HS2ST1: variants seen among roughly 807,000 people sequenced by gnomAD.
HS2ST1 encodes the protein 2-O-sulfotransferase.
A neutral mutation model predicts 42.9 loss-of-function variants in HS2ST1; 18 were observed. The observed-to-expected ratio is 0.42, with a 90% CI of 0.29 to 0.62. The LOEUF (loss-of-function observed/expected upper bound fraction) is 0.62. Among genes scored for constraint, HS2ST1 ranks in the 20% least tolerant of loss-of-function variants. The pLI, the probability that HS2ST1 is intolerant of heterozygous loss-of-function variation, is 0.21. For missense variants in HS2ST1, 334 were observed against 433.8 expected, an observed-to-expected ratio of 0.77 and a Z score of 2.04; for synonymous variants, 146 against 152.9, an observed-to-expected ratio of 0.95 and a Z score of 0.33.
In HS2ST1 at chr1:87,000,105, T is replaced by G. The variant is rs906757652; in HGVS notation, c.125-72829T>G. Among the ~76,000 whole-genome samples, 7 of 37,244 alleles carry G rather than the reference T, an allele frequency of 1.9e-4. No homozygotes were observed. In the Admixed American group the frequency reaches 2.6e-3, roughly 14 times the overall value. The allele number at this position is 37,244 out of a possible 152,430, so 24.4% of individuals were successfully genotyped here. ...CCAACTCCTAGCAAATCTTGACTCA[T>G]TAAAAAAAAAAAAACTAAATGAAAA... On this transcript the variant is annotated intron_variant, in intron 1 of 6. Transcript: ENST00000370550.
At position 87,108,676 on chromosome 1, in the gene HS2ST1, C is replaced by A. The variant is rs769829229; in HGVS notation, c.*3980C>A. ...GAATGATCATTTAGTCAGATTTATC[C>A]TGTAATTTCATGCAGCTTTGTGGCC... On this transcript the variant is annotated 3_prime_UTR_variant, in exon 7 of 7. Transcript: ENST00000370550. 1 of 152,046 alleles carries A rather than the reference C, an allele frequency of 6.6e-6. No individual in the cohort carries two copies. Among genetic ancestry groups the A allele is most frequent in the Non-Finnish European group, 1.5e-5 (1 of 67,944 alleles). The allele number at this position is 152,046 out of a possible 1,614,324, so 9.4% of individuals were successfully genotyped here.
At chr1:86,963,814 G>A (rs1243805680) in intron 1 of HS2ST1, among the ~76,000 whole-genome samples, 10 of 145,124 alleles carry the variant, frequency 6.9e-5, no homozygotes, top group Admixed American at 1.4e-4. Flanking sequence ...CCCCCTGGAC[G>A]GGGCGGCTGG....
At chr1:87,035,591 A>G (rs1390458458) in intron 1 of HS2ST1, among the ~76,000 whole-genome samples, 3 of 152,122 alleles carry the variant, frequency 2.0e-5, no homozygotes, top group African/African-American at 4.8e-5. Flanking sequence ...ATATTTGTCA[A>G]TTTCTTATGC....
chr1:87,075,929 A>G (rs565103684), intron 2 of HS2ST1, among the ~76,000 whole-genome samples: 1 of 152,304 alleles, frequency 6.6e-6, no homozygotes, highest in African/African-American at 2.4e-5. Flanking sequence ...AGGTTGTACT[A>G]CATTCTTTGG....
At position 86,924,292 on chromosome 1, in the gene HS2ST1, CT is replaced by C; in HGVS notation, c.124+9135del. Among the ~76,000 whole-genome samples the C allele has an allele frequency of 3.3e-5, 5 of 152,354 alleles. No homozygotes were observed. The Middle Eastern group carries it at 0.017, about 518-fold the overall frequency. ...TGATATAGCCCCCCACTCCTGGCTA[CT>C]TTCACAGGCTGGCATTGAGTGTCTG... On this transcript the variant is annotated intron_variant, in intron 1 of 6. Coordinates refer to ENST00000370550, the MANE Select transcript of HS2ST1 (RefSeq NM_012262.4).
At chr1:86,954,054 A>T (rs1647605626) in intron 1 of HS2ST1, among the ~76,000 whole-genome samples, 1 of 148,790 alleles carries the variant, frequency 6.7e-6, no homozygotes, top group African/African-American at 2.4e-5. Context: ...AAAAAAAAAA[A>T]AAAAAAAAAA....
At chr1:87,018,155 C>CACAG (rs1649817997) in intron 1 of HS2ST1, among the ~76,000 whole-genome samples, 1 of 133,734 alleles carries the variant, frequency 7.5e-6, no homozygotes, top group Non-Finnish European at 1.7e-5. Flanking sequence ...CACACACACA[C>CACAG]ACACACACAG....
chr1:87,027,134 C>T (rs1650107363), intron 1 of HS2ST1, among the ~76,000 whole-genome samples: 1 of 152,146 alleles, frequency 6.6e-6, no homozygotes. Context: ...AGCAGTGTCA[C>T]TTTTTAAGCA....
chr1:86,990,830 ATATATATTTTTTTTT>A (rs1207075431), intron 1 of HS2ST1, among the ~76,000 whole-genome samples: 41 of 18,594 alleles, frequency 2.2e-3, no homozygotes, highest in Admixed American at 0.017. Context: ...ATATATATAT[ATATATATTTTTTTTT>A]TTTTTTTTTT....
At chr1:87,068,455 G>A (rs936504975) in intron 1 of HS2ST1, among the ~76,000 whole-genome samples, 1 of 152,132 alleles carries the variant, frequency 6.6e-6, no homozygotes, top group African/African-American at 2.4e-5. Context: ...AGGAGATTTT[G>A]GGCTGAGACG....
chr1:87,105,528 ATTAG>A lies in HS2ST1; in HGVS notation c.*834_*837del, dbSNP rs1376546525. ...ATCGGTGACTCCGTATTATGACTCC[ATTAG>A]TGAGCTGTGGTATGGGTAGGATTTT... On this transcript the variant is annotated 3_prime_UTR_variant, in exon 7 of 7. Coordinates refer to ENST00000370550, the MANE Select transcript of HS2ST1 (RefSeq NM_012262.4). 3.3e-5 allele frequency: 5 copies of A among 152,316 alleles called. No homozygotes were observed. The highest frequency in any genetic ancestry group is 7.4e-5 in the Non-Finnish European group (5 of 67,950). The allele number at this position is 152,316 out of a possible 1,614,324, so 9.4% of individuals were successfully genotyped here.
intron 1 of HS2ST1, among the ~76,000 whole-genome samples, chr1:87,054,858 T>A (rs1271428897): frequency 1.3e-5 from 2 of 152,160 alleles, no homozygotes; most frequent in Non-Finnish European, 2.9e-5. Context: ...CCAGAAACAC[T>A]CATGTTGGTA....
rs1469726737 is a variant in HS2ST1 at position 87,083,552 on chromosome 1, TTATA to T, written c.364-639_364-636del. ...CAGTTTTAGACATATTAAAATATACTTATATAATTTTTCATATTAATTTTTGTGT... is the reference window on the plus strand; with the variant it reads ...CAGTTTTAGACATATTAAAATATACTTAATTTTTCATATTAATTTTTGTGT... On this transcript the variant is annotated intron_variant, in intron 2 of 6. Transcript: ENST00000370550. Among the ~76,000 whole-genome samples, 6 of 152,334 alleles carry T rather than the reference TTATA, an allele frequency of 3.9e-5. No homozygotes were observed. In the East Asian group the frequency reaches 1.2e-3, roughly 29 times the overall value.
At chr1:86,989,445 G>A in intron 1 of HS2ST1, among the ~76,000 whole-genome samples, 1 of 152,108 alleles carries the variant, frequency 6.6e-6, no homozygotes, top group East Asian at 1.9e-4. Flanking sequence ...AAATCAACTA[G>A]TTCCTTAAGC....
At chr1:87,067,877 T>C (rs1410040006) in intron 1 of HS2ST1, among the ~76,000 whole-genome samples, 1 of 152,218 alleles carries the variant, frequency 6.6e-6, no homozygotes, top group African/African-American at 2.4e-5. Context: ...CAGATGGTTC[T>C]AGATGTGTGG....
At chr1:87,019,190 C>T (rs888016384) in intron 1 of HS2ST1, among the ~76,000 whole-genome samples, 3 of 152,206 alleles carry the variant, frequency 2.0e-5, no homozygotes, top group African/African-American at 7.2e-5. Context: ...AATTGCTTAT[C>T]ACTGTATAGT....
chr1:86,922,781 A>G (rs1405500998), intron 1 of HS2ST1, among the ~76,000 whole-genome samples: 1 of 152,000 alleles, frequency 6.6e-6, no homozygotes, highest in Non-Finnish European at 1.5e-5. Flanking sequence ...GTTTTTAATT[A>G]TTTAATTATT....
At chr1:86,957,793 A>ATTT (rs34769860) in intron 1 of HS2ST1, among the ~76,000 whole-genome samples, 4 of 136,462 alleles carry the variant, frequency 2.9e-5, no homozygotes, top group African/African-American at 1.1e-4. Flanking sequence ...GTTTTTTTAG[A>ATTT]TTTTTTTTTT....
At chr1:87,016,307 T>C (rs1649757086) in intron 1 of HS2ST1, among the ~76,000 whole-genome samples, 1 of 152,232 alleles carries the variant, frequency 6.6e-6, no homozygotes, top group Non-Finnish European at 1.5e-5. Flanking sequence ...ATATTTAACC[T>C]TGAGCTCATT....
Sources: gnomAD v4.1 joint callset for allele counts (sites outside exome capture counted in the v4.1 genomes callset) on GRCh38, gnomAD v4.1.1 for gene constraint, MANE v1.5 for transcripts, NCBI Gene and HGNC (gene_info 2026-07-23, HGNC 2026-07-21) for gene names.